ZNF775: variants seen among roughly 807,000 people sequenced by gnomAD.
ZNF775 encodes zinc finger protein 775.
In ZNF775, 1 loss-of-function variant was observed where a neutral mutation model predicts 2.4. The ratio of observed to expected loss-of-function variants is 0.41; its 90% CI spans 0.15 to 1.94. The LOEUF (loss-of-function observed/expected upper bound fraction) is 1.94. Ranked by LOEUF, ZNF775 falls within the 30% of genes most tolerant of loss-of-function variation. The pLI is 0.30. For missense variants in ZNF775, 823 were observed against 826.6 expected, an observed-to-expected ratio of 1.00 and a Z score of 0.05; for synonymous variants, 381 against 373.3, an observed-to-expected ratio of 1.02 and a Z score of -0.24.
chr7:150,397,310 G>A lies in ZNF775; in HGVS notation c.829G>A (p.Glu277Lys). Residue 277 changes from glutamate to lysine, a missense_variant, in exon 3 of 3, where the codon GAG becomes AAG. Transcript: ENST00000329630. The stretch of plus-strand genomic sequence containing the variant: ...GGTCTCCGGCCCCGAGGGGCCGGGC[G>A]AGCCGCGCCAGTTCATCTGCAACGA... ...AAVSGPEGPGEPRQFICNECG... is the reference protein window; with the variant it reads ...AAVSGPEGPGKPRQFICNECG... 6.3e-7 allele frequency: 1 copy of A among 1,577,412 alleles called. No individual in the cohort carries two copies. Among genetic ancestry groups the A allele is most frequent in the Non-Finnish European group, 8.6e-7 (1 of 1,166,924 alleles).
Position 150,397,418 on chromosome 7 carries a change from G to GAGTGC in ZNF775, c.938_942dup (p.Gly315SerfsTer12). The GAGTGC allele has an allele frequency of 6.3e-7, 1 of 1,596,336 alleles. No individual in the cohort carries two copies. The highest frequency in any genetic ancestry group is 8.5e-7 in the Non-Finnish European group (1 of 1,175,066). ...TGGCGAGCGCCCCTATGCGTGCCCC[G>GAGTGC]AGTGCGGCCGCCGCTTCAGCCAGAA... On this transcript the variant is annotated frameshift_variant, in exon 3 of 3. Transcript: ENST00000329630. LOFTEE classifies it low-confidence loss of function (END_TRUNC).
At chr7:150,391,706 C>CTTTTTTTTTTTTTTTTTT (rs535705895) in intron 2 of ZNF775, among the ~76,000 whole-genome samples, 3 of 73,596 alleles carry the variant, frequency 4.1e-5, no homozygotes, top group African/African-American at 5.4e-5. Flanking sequence ...TCCTTTCTTT[C>CTTTTTTTTTTTTTTTTTT]TTTTTTTTTT....
chr7:150,381,242 C>T (rs1800355653), intron 1 of ZNF775, among the ~76,000 whole-genome samples: 1 of 151,986 alleles, frequency 6.6e-6, no homozygotes. Context: ...TTACCTCTGG[C>T]CGGTGAAGGA....
chr7:150,397,668 C>T lies in ZNF775; in HGVS notation c.1187C>T (p.Pro396Leu), dbSNP rs1176950635. The T allele has an allele frequency of 2.3e-6, 3 of 1,327,366 alleles. No individual in the cohort carries two copies. The highest frequency in any genetic ancestry group is 1.9e-6 in the Non-Finnish European group (2 of 1,044,040). 82.2% of individuals were successfully genotyped at this position (1,327,366 alleles called of 1,614,324 possible). A position where few individuals can be genotyped will look rare whatever the true frequency, so the allele number is the denominator to read the frequency against. ...RAHAVAEPAV[P>L]AGEPGDQPQA... is the part of the protein sequence containing the mutation. ...CACGCTGTCGCTGAGCCCGCCGTTC[C>T]GGCCGGGGAACCGGGCGACCAGCCG... The change falls in exon 3 of 3, where the codon CCG (proline) becomes CTG (leucine). Residue 396 changes from proline to leucine, a missense_variant. Transcript: ENST00000329630.
Position 150,396,905 on chromosome 7 carries a change from A to G in ZNF775, c.424A>G (p.Lys142Glu). Reference protein sequence around the residue: ...EKPYLCGKCGKSFSQKPNLAR... With the variant: ...EKPYLCGKCGESFSQKPNLAR... ...GCCGTACCTCTGCGGCAAGTGCGGC[A>G]AGAGCTTCAGCCAGAAGCCGAACCT... The change falls in exon 3 of 3, where the codon AAG becomes GAG. Residue 142 changes from lysine to glutamate, a missense_variant. Physicochemically the swap from Lys to Glu is moderately conservative, Grantham distance 56. Coordinates refer to ENST00000329630, the MANE Select transcript of ZNF775 (RefSeq NM_173680.4). The G allele has an allele frequency of 6.2e-7, 1 of 1,602,494 alleles. No homozygotes were observed. Among genetic ancestry groups the G allele is most frequent in the South Asian group, 1.1e-5 (1 of 91,060 alleles).
chr7:150,392,219 A>G (rs1017438633), intron 2 of ZNF775, among the ~76,000 whole-genome samples: 4 of 152,172 alleles, frequency 2.6e-5, no homozygotes, highest in African/African-American at 7.2e-5. Flanking sequence ...TTTATAAACA[A>G]TCTTCACTAT....
intron 2 of ZNF775, among the ~76,000 whole-genome samples, chr7:150,394,695 C>T (rs1419655377): frequency 7.3e-6 from 1 of 137,600 alleles, no homozygotes; most frequent in Non-Finnish European, 1.6e-5. Context: ...TCCCTACCTT[C>T]TCCCTCCTTT....
chr7:150,388,358 G>A, intron 1 of ZNF775, 64 bp from the exon 2 acceptor site: 2 of 1,311,346 alleles, frequency 1.5e-6, no homozygotes, highest in East Asian at 5.1e-5. Context: ...GGGGGGCTGG[G>A]GACCCTGAGT....
chr7:150,396,975 G>T lies in ZNF775; in HGVS notation c.494G>T (p.Cys165Phe). The change falls in exon 3 of 3, where the codon TGC becomes TTC. Residue 165 changes from cysteine (C) to phenylalanine (F), a missense_variant. Transcript: ENST00000329630. ...RHHTGERPFC[C>F]PECARRFSQK... ...CACACGGGCGAGCGACCCTTCTGCT[G>T]CCCCGAGTGCGCGCGGCGCTTCAGC... The T allele has an allele frequency of 1.9e-6, 3 of 1,599,606 alleles. No homozygotes were observed. Among genetic ancestry groups the T allele is most frequent in the East Asian group, 2.2e-5 (1 of 44,800 alleles).
intron 2 of ZNF775, among the ~76,000 whole-genome samples, chr7:150,388,757 C>T (rs1281662711): frequency 1.3e-5 from 2 of 152,182 alleles, no homozygotes; most frequent in Non-Finnish European, 2.9e-5. Context: ...CACATGTGCA[C>T]CCATGCCTTG....
chr7:150,379,698 CGCGGTG>C (rs2129620695), intron 1 of ZNF775, among the ~76,000 whole-genome samples: 1 of 152,182 alleles, frequency 6.6e-6, no homozygotes, highest in Admixed American at 6.5e-5. Context: ...GGAGGGAGGA[CGCGGTG>C]GCGAGTAGAG....
Position 150,397,277 on chromosome 7 carries a change from CGGGCCGCGGTCTCCGGCCCCGAG to C in ZNF775, c.803_825del (p.Ala268GlyfsTer98), listed in dbSNP as rs894506505. On this transcript the variant is annotated frameshift_variant, in exon 3 of 3. Transcript: ENST00000329630. LOFTEE classifies it low-confidence loss of function (END_TRUNC). ...GGGCTGGTGGGGCCAGCCCGGGGCC[CGGGCCGCGGTCTCCGGCCCCGAG>C]GGGCCGGGCGAGCCGCGCCAGTTCA... 6.9e-7 allele frequency: 1 copy of C among 1,457,230 alleles called. No homozygotes were observed. Among genetic ancestry groups the C allele is most frequent in the African/African-American group, 1.5e-5 (1 of 67,094 alleles). 90.3% of individuals were successfully genotyped at this position (1,457,230 alleles called of 1,614,324 possible).
intron 2 of ZNF775, among the ~76,000 whole-genome samples, chr7:150,396,050 C>G (rs181106680): frequency 1.3e-5 from 2 of 152,180 alleles, no homozygotes; most frequent in East Asian, 3.9e-4. Flanking sequence ...GCTTCCAGCA[C>G]GTCGATCCTC....
chr7:150,395,360 C>T (rs936106319), intron 2 of ZNF775, among the ~76,000 whole-genome samples: 5 of 152,114 alleles, frequency 3.3e-5, no homozygotes, highest in African/African-American at 9.7e-5. Context: ...GTAACGTTGA[C>T]GTCTGTTTAA....
chr7:150,398,289 G>C lies in ZNF775; in HGVS notation c.*194G>C. On this transcript the variant is annotated 3_prime_UTR_variant, in exon 3 of 3. Coordinates refer to ENST00000329630, the MANE Select transcript of ZNF775 (RefSeq NM_173680.4). Reference sequence around the variant, plus strand: ...GCTGGGAAAGGTCCCAGCGTGGGTTGAGGGAGGAGGGAAGATCCGAGTTCC... The same window carrying C: ...GCTGGGAAAGGTCCCAGCGTGGGTTCAGGGAGGAGGGAAGATCCGAGTTCC... 1 of 927,650 alleles carries C rather than the reference G, an allele frequency of 1.1e-6. No individual in the cohort carries two copies. Among genetic ancestry groups the C allele is most frequent in the South Asian group, 1.9e-5 (1 of 52,176 alleles). 57.5% of individuals were successfully genotyped at this position (927,650 alleles called of 1,614,324 possible).
In ZNF775 at chr7:150,398,169, A is replaced by C; in HGVS notation, c.*74A>C. ...GTGTGTGTGGGGAGTGGGGGTGGCC[A>C]GGATTGCTGGCTCTTAGAACCCCTT... On this transcript the variant is annotated 3_prime_UTR_variant, in exon 3 of 3. Transcript: ENST00000329630. 2 of 1,517,586 alleles carry C rather than the reference A, an allele frequency of 1.3e-6. No individual in the cohort carries two copies. The highest frequency in any genetic ancestry group is 3.5e-4 in the Middle Eastern group (2 of 5,776). The allele number at this position is 1,517,586 out of a possible 1,614,324, so 94.0% of individuals were successfully genotyped here. A position where few individuals can be genotyped will look rare whatever the true frequency, so the allele number is the denominator to read the frequency against.
chr7:150,388,560 C>G (rs1439573156), intron 2 of ZNF775, 59 bp downstream of exon 2: 9 of 1,546,014 alleles, frequency 5.8e-6, no homozygotes, highest in Non-Finnish European at 7.9e-6. Flanking sequence ...GGTCACGTGC[C>G]CTTATCTTTT....
At position 150,398,299 on chromosome 7, in the gene ZNF775, G is replaced by A. The variant is rs1563261754; in HGVS notation, c.*204G>A. The A allele has an allele frequency of 4.6e-6, 4 of 874,724 alleles. No individual in the cohort carries two copies. Among genetic ancestry groups the A allele is most frequent in the East Asian group, 5.7e-5 (2 of 35,176 alleles). 54.2% of individuals were successfully genotyped at this position (874,724 alleles called of 1,614,324 possible). A position where few individuals can be genotyped will look rare whatever the true frequency, so the allele number is the denominator to read the frequency against. On this transcript the variant is annotated 3_prime_UTR_variant, in exon 3 of 3. Coordinates refer to ENST00000329630, the MANE Select transcript of ZNF775 (RefSeq NM_173680.4). ...GTCCCAGCGTGGGTTGAGGGAGGAG[G>A]GAAGATCCGAGTTCCTCACCGCGGG...
rs771197189 is a variant in ZNF775 at position 150,396,699 on chromosome 7, G to A, written c.218G>A (p.Arg73Lys). ...GGACAGGAGGAGTCTGGGAGTCCAA[G>A]GTGGGCCCCTCCCACTGAGCAGGAT... ...LGGQEESGSP[R>K]WAPPTEQDAG... The change falls in exon 3 of 3, where the codon AGG (arginine) becomes AAG (lysine). Residue 73 changes from arginine (R) to lysine (K), a missense_variant. Physicochemically the swap from Arg to Lys is conservative, Grantham distance 26. Transcript: ENST00000329630. The A allele has an allele frequency of 2.7e-5, 44 of 1,604,830 alleles. No individual in the cohort carries two copies. The African/African-American group carries it at 5.5e-4, about 20-fold the overall frequency.
Sources: gnomAD v4.1 joint callset for allele counts (sites outside exome capture counted in the v4.1 genomes callset) on GRCh38, gnomAD v4.1.1 for gene constraint, MANE v1.5 for transcripts, NCBI Gene and HGNC (gene_info 2026-07-23, HGNC 2026-07-21) for gene names.